Variants in COL5A1 observed in about 807,000 individuals in gnomAD.
COL5A1 encodes collagen type V alpha 1 chain, also known as collagen alpha-1(V) chain.
In COL5A1, 16 loss-of-function variants were observed where a neutral mutation model predicts 263.7. That is an observed-to-expected ratio of 0.06 (90% CI 0.04 to 0.09). The LOEUF (loss-of-function observed/expected upper bound fraction) is 0.09, where lower values mean the gene tolerates loss of function less well. Ranked by LOEUF, COL5A1 falls within the 10% of genes least tolerant of loss-of-function variation. COL5A1 has a pLI of 1.00. For synonymous variants in COL5A1, 1,012 were observed against 1,004.5 expected, an observed-to-expected ratio of 1.01 and a Z score of -0.14; for missense variants, 2,036 against 2,540.5, an observed-to-expected ratio of 0.80 and a Z score of 4.27.
rs528912612 is a variant in COL5A1, at chr9:134,822,759, G to A, written c.4609-239G>A. Among the ~76,000 whole-genome samples the A allele has an allele frequency of 6.0e-5, 9 of 149,952 alleles. No homozygotes were observed. The East Asian group carries it at 1.4e-3, about 23-fold the overall frequency. On this transcript the variant is annotated intron_variant, in intron 59 of 65. Transcript: ENST00000371817. ...TGTCTGAGCTGGGGTTTCCTAGCCA[G>A]GGTGGGTGGTAGGCTGGCCGGGGGC...
chr9:134,659,915 C>T (rs1253294837), intron 1 of COL5A1, among the ~76,000 whole-genome samples: 1 of 152,116 alleles, frequency 6.6e-6, no homozygotes, highest in African/African-American at 2.4e-5. Context: ...GGAGGATTAT[C>T]GCCAGGTAGG....
chr9:134,790,943 G>A (rs1359258702), intron 32 of COL5A1, among the ~76,000 whole-genome samples: 1 of 152,106 alleles, frequency 6.6e-6, no homozygotes, highest in Admixed American at 6.5e-5. Context: ...CCTTTCCATG[G>A]AGGACTGTGT....
intron 1 of COL5A1, chr9:134,649,642 A>G (rs902414714): frequency 4.8e-6 from 2 of 415,680 alleles, no homozygotes; most frequent in African/African-American, 2.1e-5. Flanking sequence ...TCAAGGATCT[A>G]GAACCAGAAA....
intron 65 of COL5A1, among the ~76,000 whole-genome samples, 192 bp downstream of exon 65, chr9:134,835,396 G>A (rs567442271): frequency 3.9e-5 from 6 of 152,342 alleles, no homozygotes; most frequent in East Asian, 3.9e-4. Flanking sequence ...CTGGAGCTCC[G>A]GGAACTTGGG....
At chr9:134,685,995 CCCATCCATCCATTCAT>C (rs1433996762) in intron 1 of COL5A1, among the ~76,000 whole-genome samples, 2 of 151,224 alleles carry the variant, frequency 1.3e-5, no homozygotes, top group Admixed American at 6.6e-5. Context: ...CATCCACCCA[CCCATCCATCCATTCAT>C]CCATCCATCC....
In COL5A1 at chr9:134,763,761, C is replaced by T. The variant is rs41298367; in HGVS notation, c.2034+24C>T. On this transcript the variant is annotated intron_variant, in intron 20 of 65. Coordinates refer to ENST00000371817, the MANE Select transcript of COL5A1 (RefSeq NM_000093.5). The stretch of plus-strand genomic sequence containing the variant: ...CCGTAAGTCTGTGAGCTGAGTGGGA[C>T]GGTGGGGGCTCAGTGTGGAGAAAGG... The T allele has an allele frequency of 0.026, 41,509 of 1,609,602 alleles. 673 individuals carry two copies. Among genetic ancestry groups the T allele is most frequent in the Non-Finnish European group, 0.031 (36,088 of 1,176,364 alleles).
intron 31 of COL5A1, among the ~76,000 whole-genome samples, chr9:134,787,215 A>G (rs1378130168): frequency 1.3e-5 from 2 of 152,218 alleles, no homozygotes; most frequent in African/African-American, 4.8e-5. Context: ...GGTGGTCTAA[A>G]TCAAGTCCAG....
At chr9:134,798,306 C>T in intron 36 of COL5A1, 102 bp from the exon 37 acceptor site, 1 of 1,054,532 alleles carries the variant, frequency 9.5e-7, no homozygotes, top group Non-Finnish European at 1.5e-6. Flanking sequence ...TGTGCAGGGG[C>T]AGGAGCCATG....
intron 44 of COL5A1, 34 bp from the exon 45 acceptor site, chr9:134,811,305 G>C (rs138850696): frequency 6.2e-7 from 1 of 1,609,222 alleles, no homozygotes; most frequent in Non-Finnish European, 8.5e-7. Context: ...CACGATCCAA[G>C]AAGCTACCTA....
At chr9:134,813,918 A>C in intron 48 of COL5A1, 65 bp from the exon 49 acceptor site, 2 of 1,531,720 alleles carry the variant, frequency 1.3e-6, no homozygotes, top group Non-Finnish European at 1.8e-6. Context: ...CAAATGCTTG[A>C]AACCGTAGCA....
At chr9:134,660,698 C>T (rs932885469) in intron 1 of COL5A1, among the ~76,000 whole-genome samples, 2 of 152,162 alleles carry the variant, frequency 1.3e-5, no homozygotes, top group Non-Finnish European at 2.9e-5. Flanking sequence ...ACCTCAAAAC[C>T]ATAACTTTCT....
chr9:134,651,639 G>A, intron 1 of COL5A1, among the ~76,000 whole-genome samples: 1 of 152,256 alleles, frequency 6.6e-6, no homozygotes, highest in East Asian at 1.9e-4. Context: ...AATTAGGTCA[G>A]TCACTGGGGC....
chr9:134,793,772 T>C (rs1588556965), intron 32 of COL5A1, among the ~76,000 whole-genome samples: 1 of 152,348 alleles, frequency 6.6e-6, no homozygotes, highest in Non-Finnish European at 1.5e-5. Context: ...AGAAAGCAGA[T>C]GTTTCGTTAA....
At chr9:134,776,469 G>C (rs1248187405) in intron 27 of COL5A1, among the ~76,000 whole-genome samples, 2 of 152,188 alleles carry the variant, frequency 1.3e-5, no homozygotes, top group Non-Finnish European at 2.9e-5. Context: ...GGAAGCAGAG[G>C]GTGGAAGGAA....
chr9:134,771,164 C>T (rs1010461204), intron 25 of COL5A1, among the ~76,000 whole-genome samples: 1 of 152,256 alleles, frequency 6.6e-6, no homozygotes, highest in Non-Finnish European at 1.5e-5. Flanking sequence ...GGGGCTTCCT[C>T]GAGCAGCCGG....
intron 26 of COL5A1, among the ~76,000 whole-genome samples, chr9:134,773,137 C>T (rs1433200545): frequency 6.6e-6 from 1 of 151,112 alleles, no homozygotes; most frequent in East Asian, 2.0e-4. Context: ...TCTCCGTGTT[C>T]AGCCCTGGTC....
intron 4 of COL5A1, among the ~76,000 whole-genome samples, chr9:134,707,327 G>T (rs1248256499): frequency 6.6e-6 from 1 of 152,214 alleles, no homozygotes; most frequent in African/African-American, 2.4e-5. Context: ...AAGTGATGGC[G>T]TCGGCTCCAA....
chr9:134,755,731 G>A lies in COL5A1; in HGVS notation c.1828-1034G>A, dbSNP rs1029267410. Reference sequence around the variant, plus strand: ...AATGGGCCCCTCCATTTGCCCAACAGGGCGATGTCTTTTTGGGGAGCAACG... The same window carrying A: ...AATGGGCCCCTCCATTTGCCCAACAAGGCGATGTCTTTTTGGGGAGCAACG... On this transcript the variant is annotated intron_variant, in intron 16 of 65. Coordinates refer to ENST00000371817, the MANE Select transcript of COL5A1 (RefSeq NM_000093.5). The surrounding 1 kb of genome is among the most constrained non-coding windows in gnomAD (Gnocchi z 4.1). Among the ~76,000 whole-genome samples, 5 of 152,238 alleles carry A rather than the reference G, an allele frequency of 3.3e-5. No homozygotes were observed. Among genetic ancestry groups the A allele is most frequent in the African/African-American group, 1.2e-4 (5 of 41,474 alleles).
At position 134,798,471 on chromosome 9, in the gene COL5A1, G is replaced by A. The variant is rs376326277; in HGVS notation, c.2952+10G>A. On this transcript the variant is annotated intron_variant, in intron 37 of 65. Coordinates refer to ENST00000371817, the MANE Select transcript of COL5A1 (RefSeq NM_000093.5). ...ACAGAGAGGCGAGACTGTGAGTATC[G>A]AGGGTGCTGGGGGACGTGGCTGGCT... The A allele has an allele frequency of 7.4e-6, 12 of 1,613,786 alleles. No individual in the cohort carries two copies. The highest frequency in any genetic ancestry group is 3.3e-4 in the Middle Eastern group (2 of 6,084).
Sources: gnomAD v4.1 joint callset for allele counts (sites outside exome capture counted in the v4.1 genomes callset) on GRCh38, gnomAD v4.1.1 for gene constraint, Gnocchi (gnomAD v3.1) non-coding constraint, MANE v1.5 for transcripts, NCBI Gene and HGNC (gene_info 2026-07-23, HGNC 2026-07-21) for gene names.